Variants in CNOT6L observed in about 807,000 individuals in gnomAD.
CNOT6L encodes the protein CCR4-NOT transcription complex subunit 6-like.
CNOT6L carries 7 observed loss-of-function variants against 64.0 expected under a neutral mutation model. The ratio of observed to expected loss-of-function variants is 0.11; its 90% confidence interval spans 0.06 to 0.21. The LOEUF is 0.21. Ranked by LOEUF, CNOT6L falls within the 10% of genes least tolerant of loss-of-function variation. The pLI is 1.00. For synonymous variants in CNOT6L, 193 were observed against 243.4 expected (o/e 0.79, Z 1.93); for missense variants, 245 against 669.0 (o/e 0.37, Z 6.99).
intron 4 of CNOT6L, among the ~76,000 whole-genome samples, chr4:77,762,781 A>G (rs1291662411): frequency 6.6e-6 from 1 of 152,150 alleles, no homozygotes; most frequent in Non-Finnish European, 1.5e-5. Context: ...AGTAGTTGTC[A>G]AGGGCTGAGA....
intron 1 of CNOT6L, among the ~76,000 whole-genome samples, chr4:77,786,939 C>T (rs1729515705): frequency 6.6e-6 from 1 of 152,016 alleles, no homozygotes; most frequent in Non-Finnish European, 1.5e-5. Context: ...AATCATTTTC[C>T]TCATGTAAAG....
At chr4:77,816,774 C>T (rs1300455710) in intron 1 of CNOT6L, among the ~76,000 whole-genome samples, 1 of 152,072 alleles carries the variant, frequency 6.6e-6, no homozygotes, top group Admixed American at 6.6e-5. Flanking sequence ...CAATCAAACT[C>T]CCACATTCTC....
intron 8 of CNOT6L, among the ~76,000 whole-genome samples, chr4:77,740,717 A>G (rs1368192027): frequency 6.6e-6 from 1 of 152,252 alleles, no homozygotes; most frequent in Non-Finnish European, 1.5e-5. Flanking sequence ...ACAAGATTTC[A>G]GTCAACAAGG....
At chr4:77,807,922 T>C (rs1468203603) in intron 1 of CNOT6L, among the ~76,000 whole-genome samples, 2 of 152,156 alleles carry the variant, frequency 1.3e-5, no homozygotes, top group Non-Finnish European at 2.9e-5. Context: ...TTTACCAGGA[T>C]TGTTACAAGA....
intron 1 of CNOT6L, among the ~76,000 whole-genome samples, chr4:77,802,326 A>T (rs1292897793): frequency 6.6e-6 from 1 of 152,204 alleles, no homozygotes; most frequent in East Asian, 1.9e-4. Context: ...CAAATATTAC[A>T]AATCATGATG....
At chr4:77,792,725 TAA>T (rs77060039) in intron 1 of CNOT6L, among the ~76,000 whole-genome samples, 7 of 124,070 alleles carry the variant, frequency 5.6e-5, no homozygotes, top group Non-Finnish European at 3.3e-5. Flanking sequence ...GACTCTGCCT[TAA>T]AAAAAAAAAA....
chr4:77,798,230 G>A lies in CNOT6L; in HGVS notation c.5+21074C>T, dbSNP rs1233937399. ...CTCAGGAGGCTGAGGCAGGAGGACT[G>A]CTTGAGCCCAGAGGCTGCAGTGAGC... is the stretch of plus-strand genomic sequence containing the variant. On this transcript the variant is annotated intron_variant, in intron 1 of 11. Transcript: ENST00000504123. Among the ~76,000 whole-genome samples the A allele has an allele frequency of 3.9e-5, 6 of 152,296 alleles. No individual in the cohort carries two copies. The East Asian group carries it at 1.2e-3, about 29-fold the overall frequency.
At chr4:77,787,111 C>CA (rs370622511) in intron 1 of CNOT6L, among the ~76,000 whole-genome samples, 65 of 151,768 alleles carry the variant, frequency 4.3e-4, no homozygotes, top group African/African-American at 1.5e-3. Flanking sequence ...ATTAAAAATA[C>CA]AAAAAAACAG....
At chr4:77,728,830 G>C in intron 10 of CNOT6L, 24 bp downstream of exon 10, 14 of 1,579,016 alleles carry the variant, frequency 8.9e-6, no homozygotes, top group Non-Finnish European at 1.2e-5. Flanking sequence ...ATTGAAAGCA[G>C]TGAGGAAATG....
chr4:77,789,572 A>T (rs988190990), intron 1 of CNOT6L, among the ~76,000 whole-genome samples: 2 of 151,106 alleles, frequency 1.3e-5, no homozygotes, highest in African/African-American at 4.9e-5. Context: ...ACTCAGGAAG[A>T]TTCCTTGAGC....
chr4:77,817,429 G>T lies in CNOT6L; in HGVS notation c.5+1875C>A, dbSNP rs144864056. On this transcript the variant is annotated intron_variant, in intron 1 of 11. Coordinates refer to ENST00000504123, the MANE Select transcript of CNOT6L (RefSeq NM_144571.3). ...ATTAATCATATTTGTGTTTGCAAAGGTTCTTCAATGCCCATAGTCAGGGCT... is the reference window on the plus strand; with the variant it reads ...ATTAATCATATTTGTGTTTGCAAAGTTTCTTCAATGCCCATAGTCAGGGCT... Among the ~76,000 whole-genome samples, 703 of 152,232 alleles carry T rather than the reference G, an allele frequency of 4.6e-3. 8 individuals are homozygous for T. The highest frequency in any genetic ancestry group is 0.016 in the African/African-American group (678 of 41,538).
chr4:77,735,197 C>T (rs894087780), intron 8 of CNOT6L, among the ~76,000 whole-genome samples: 1 of 152,182 alleles, frequency 6.6e-6, no homozygotes, highest in African/African-American at 2.4e-5. Flanking sequence ...TGTTGAGTCA[C>T]CTGAGGCAGT....
Position 77,800,046 on chromosome 4 carries a change from T to C in CNOT6L, c.5+19258A>G, listed in dbSNP as rs1191958447. 2.0e-5 allele frequency among the ~76,000 whole-genome samples: 3 copies of C among 146,502 alleles called. No homozygotes were observed. The Admixed American group carries it at 2.1e-4, about 10-fold the overall frequency. ...ATAAACAATCACCTGTACATAAAAC[T>C]AAGCATGTTATACTCCATCAAAAAA... On this transcript the variant is annotated intron_variant, in intron 1 of 11. Transcript: ENST00000504123.
At chr4:77,728,810 T>G in intron 10 of CNOT6L, 44 bp downstream of exon 10, 1 of 1,522,418 alleles carries the variant, frequency 6.6e-7, no homozygotes, top group Admixed American at 1.7e-5. Context: ...GAACCAAGAG[T>G]AAAAGTGAAA....
At chr4:77,757,066 C>A in intron 4 of CNOT6L, 115 bp from the exon 5 acceptor site, 3 of 526,146 alleles carry the variant, frequency 5.7e-6, no homozygotes, top group Middle Eastern at 5.1e-4. Context: ...AAATTGAATT[C>A]TACTATATTT....
chr4:77,818,449 A>G (rs1173090645), intron 1 of CNOT6L, among the ~76,000 whole-genome samples: 1 of 149,030 alleles, frequency 6.7e-6, no homozygotes, highest in African/African-American at 2.4e-5. Flanking sequence ...TGTCTAATTA[A>G]AAAAAAAAAA....
chr4:77,760,951 C>A (rs1421375044), intron 4 of CNOT6L, among the ~76,000 whole-genome samples: 1 of 141,098 alleles, frequency 7.1e-6, no homozygotes, highest in South Asian at 2.3e-4. Context: ...CTCCTGACCT[C>A]GTCATCTGCC....
At chr4:77,738,753 C>A (rs1479049353) in intron 8 of CNOT6L, among the ~76,000 whole-genome samples, 719 of 114,072 alleles carry the variant, frequency 6.3e-3, no homozygotes, top group South Asian at 7.9e-3. Flanking sequence ...AACTCCGTCT[C>A]AAAAAAAAAA....
chr4:77,759,013 C>T (rs940165429), intron 4 of CNOT6L, among the ~76,000 whole-genome samples: 2 of 151,944 alleles, frequency 1.3e-5, no homozygotes, highest in African/African-American at 4.8e-5. Flanking sequence ...ACTTCCTCCC[C>T]CTCCGCACCT....
Sources: gnomAD v4.1 joint callset for allele counts (sites outside exome capture counted in the v4.1 genomes callset) on GRCh38, gnomAD v4.1.1 for gene constraint, MANE v1.5 for transcripts, NCBI Gene and HGNC (gene_info 2026-07-23, HGNC 2026-07-21) for gene names.